CPA6: variants seen among roughly 807,000 people sequenced by gnomAD.
CPA6 encodes carboxypeptidase B.
In CPA6, 58 loss-of-function variants were observed where a neutral mutation model predicts 63.3. That is an observed-to-expected ratio of 0.92 (90% confidence interval 0.74 to 1.14). CPA6 has a LOEUF of 1.14. Ranked by LOEUF, CPA6 falls within the 50% of genes most tolerant of loss-of-function variation. CPA6 has a pLI of 0.00. For synonymous variants in CPA6, 185 were observed against 179.0 expected (o/e 1.03, Z -0.27); for missense variants, 565 against 526.6 (o/e 1.07, Z -0.71).
intron 10 of CPA6, among the ~76,000 whole-genome samples, chr8:67,423,783 T>C (rs765554518): frequency 1.3e-5 from 2 of 152,214 alleles, no homozygotes; most frequent in Non-Finnish European, 2.9e-5. Flanking sequence ...CTTCTCATCT[T>C]CATGTTACAC....
intron 8 of CPA6, among the ~76,000 whole-genome samples, chr8:67,475,412 C>T (rs1243376890): frequency 6.6e-6 from 1 of 152,214 alleles, no homozygotes; most frequent in Non-Finnish European, 1.5e-5. Flanking sequence ...AAAGCTCCTG[C>T]TACAAACACA....
chr8:67,716,429 A>C lies in CPA6; in HGVS notation c.116+29585T>G, dbSNP rs79240646. Among the ~76,000 whole-genome samples, 1,070 of 152,324 alleles carry C rather than the reference A, an allele frequency of 7.0e-3. 16 individuals carry two copies. Among genetic ancestry groups the C allele is most frequent in the African/African-American group, 0.024 (1,013 of 41,578 alleles). On this transcript the variant is annotated intron_variant, in intron 1 of 10. Coordinates refer to ENST00000297770, the MANE Select transcript of CPA6 (RefSeq NM_020361.5). ...GGAAGGGGACTTCCAGGTCAAAGGTAGATAAGAGACAAATGGTTACATTCT... is the reference window on the plus strand; with the variant it reads ...GGAAGGGGACTTCCAGGTCAAAGGTCGATAAGAGACAAATGGTTACATTCT...
At chr8:67,576,262 A>G (rs1191485704) in intron 2 of CPA6, among the ~76,000 whole-genome samples, 1 of 152,198 alleles carries the variant, frequency 6.6e-6, no homozygotes, top group African/African-American at 2.4e-5. Context: ...CCATTGTATT[A>G]AAAAAATCCT....
intron 8 of CPA6, among the ~76,000 whole-genome samples, chr8:67,472,004 T>C (rs945900326): frequency 6.6e-6 from 1 of 152,120 alleles, no homozygotes; most frequent in Non-Finnish European, 1.5e-5. Flanking sequence ...ATGATACAGC[T>C]GGAGGAAAAT....
At chr8:67,659,554 GC>G (rs1174415248) in intron 1 of CPA6, among the ~76,000 whole-genome samples, 2 of 152,094 alleles carry the variant, frequency 1.3e-5, no homozygotes, top group Non-Finnish European at 2.9e-5. Context: ...AAATATTATT[GC>G]TTTCTTCCAA....
At chr8:67,573,304 G>A (rs78271742) in intron 2 of CPA6, among the ~76,000 whole-genome samples, 10,411 of 152,096 alleles carry the variant, frequency 0.068, 645 homozygotes, top group African/African-American at 0.16. Flanking sequence ...AATAAAAAGC[G>A]TCCAAACAGG....
At chr8:67,428,674 G>A (rs1809950979) in intron 9 of CPA6, among the ~76,000 whole-genome samples, 1 of 152,086 alleles carries the variant, frequency 6.6e-6, no homozygotes, top group Non-Finnish European at 1.5e-5. Context: ...TAGTATACAT[G>A]GGGTTTCACC....
chr8:67,653,676 T>C (rs956647753), intron 1 of CPA6, among the ~76,000 whole-genome samples: 2 of 152,192 alleles, frequency 1.3e-5, no homozygotes, highest in African/African-American at 4.8e-5. Flanking sequence ...TATATAATCA[T>C]GTCATCTGCA....
chr8:67,593,483 G>T (rs1276502021), intron 2 of CPA6, among the ~76,000 whole-genome samples: 1 of 152,050 alleles, frequency 6.6e-6, no homozygotes, highest in Non-Finnish European at 1.5e-5. Flanking sequence ...TTGACAGTGG[G>T]GTGTTAAAGT....
At chr8:67,451,368 T>C (rs538120879) in intron 8 of CPA6, among the ~76,000 whole-genome samples, 70 of 152,318 alleles carry the variant, frequency 4.6e-4, no homozygotes, top group African/African-American at 1.6e-3. Flanking sequence ...ATGCAGGGGA[T>C]CTAGGTTGTG....
At chr8:67,667,647 G>A (rs1816260217) in intron 1 of CPA6, among the ~76,000 whole-genome samples, 1 of 152,210 alleles carries the variant, frequency 6.6e-6, no homozygotes, top group Non-Finnish European at 1.5e-5. Flanking sequence ...AGAGTTAGGA[G>A]TGAAACTGAA....
chr8:67,647,393 C>T (rs1393750664), intron 1 of CPA6, among the ~76,000 whole-genome samples: 1 of 151,328 alleles, frequency 6.6e-6, no homozygotes, highest in Non-Finnish European at 1.5e-5. Flanking sequence ...CCAGGCTGGC[C>T]TTGAACTTCT....
At chr8:67,601,825 C>T (rs1022852958) in intron 2 of CPA6, among the ~76,000 whole-genome samples, 3 of 152,088 alleles carry the variant, frequency 2.0e-5, no homozygotes, top group African/African-American at 7.2e-5. Flanking sequence ...TGAAACACAT[C>T]TATAAAAGAA....
chr8:67,563,869 TTCCCTCAC>T (rs1813273654), intron 2 of CPA6, among the ~76,000 whole-genome samples: 2 of 152,308 alleles, frequency 1.3e-5, no homozygotes, highest in Middle Eastern at 3.4e-3. Flanking sequence ...TTTATCCACC[TTCCCTCAC>T]TCCCATGACT....
At chr8:67,703,871 C>T (rs1232436918) in intron 1 of CPA6, among the ~76,000 whole-genome samples, 1 of 152,194 alleles carries the variant, frequency 6.6e-6, no homozygotes, top group Admixed American at 6.5e-5. Flanking sequence ...AGCAGTTTGT[C>T]TGCCTGCATA....
intron 8 of CPA6, among the ~76,000 whole-genome samples, chr8:67,448,639 G>GAAAAAAAAAAAAAAAAAAAAAAAA (rs61317091): frequency 1.3e-4 from 3 of 23,298 alleles, no homozygotes; most frequent in Admixed American, 5.1e-4. Flanking sequence ...CTCAAAAAAG[G>GAAAAAAAAAAAAAAAAAAAAAAAA]AAAAAAAAAA....
chr8:67,436,352 C>G (rs1434582942), intron 8 of CPA6, among the ~76,000 whole-genome samples: 1 of 148,570 alleles, frequency 6.7e-6, no homozygotes, highest in Non-Finnish European at 1.5e-5. Context: ...GTGGATTTTT[C>G]TGTGTGTTTC....
intron 1 of CPA6, among the ~76,000 whole-genome samples, chr8:67,640,027 T>C (rs1171885961): frequency 6.6e-6 from 1 of 151,322 alleles, no homozygotes; most frequent in Non-Finnish European, 1.5e-5. Context: ...TCTCTGTAGC[T>C]GGTCGTCCCA....
At chr8:67,506,759 T>C in intron 6 of CPA6, 28 bp downstream of exon 6, 1 of 1,448,526 alleles carries the variant, frequency 6.9e-7, no homozygotes. Context: ...CTAGCTGAAA[T>C]GGACATTGTG....
Sources: allele counts gnomAD v4.1 joint callset (sites outside exome capture counted in the v4.1 genomes callset), GRCh38; gene constraint gnomAD v4.1.1; transcripts MANE v1.5; gene names NCBI Gene and HGNC (gene_info 2026-07-23, HGNC 2026-07-21).